The following LRRC4C variants were observed in gnomAD, a reference collection of about 807,000 sequenced individuals.
LRRC4C encodes the protein leucine rich repeat containing 4C.
Under a neutral mutation model 33.6 loss-of-function variants are expected in LRRC4C, and 5 were observed. The observed-to-expected ratio is 0.15, with a 90% CI of 0.08 to 0.31. The LOEUF is 0.31. Among genes scored for constraint, LRRC4C ranks in the 10% least tolerant of loss-of-function variants. The probability of loss-of-function intolerance (pLI) is 1.00; values close to 1 mark genes in which losing one functional copy is unlikely to be tolerated. For synonymous variants in LRRC4C, 329 were observed against 302.0 expected (o/e 1.09, Z -0.93); for missense variants, 560 against 796.7 (o/e 0.70, Z 3.58).
intron 1 of LRRC4C, among the ~76,000 whole-genome samples, chr11:41,099,187 T>G (rs1178487854): frequency 1.3e-5 from 2 of 151,776 alleles, no homozygotes; most frequent in East Asian, 3.9e-4. Flanking sequence ...ATTAAATCAA[T>G]AAGAAATAGC....
intron 3 of LRRC4C, among the ~76,000 whole-genome samples, chr11:40,544,476 C>T (rs1248227962): frequency 3.3e-5 from 5 of 152,052 alleles, no homozygotes; most frequent in African/African-American, 7.2e-5. Flanking sequence ...GATTGCAGAG[C>T]TCCAAAGAAA....
intron 3 of LRRC4C, among the ~76,000 whole-genome samples, chr11:40,396,333 A>G (rs1183319273): frequency 6.6e-6 from 1 of 152,066 alleles, no homozygotes; most frequent in Non-Finnish European, 1.5e-5. Flanking sequence ...TATAATTTCC[A>G]TCTCCATTCT....
At chr11:40,347,439 T>C (rs1415564613) in intron 3 of LRRC4C, among the ~76,000 whole-genome samples, 1 of 152,272 alleles carries the variant, frequency 6.6e-6, no homozygotes, top group East Asian at 1.9e-4. Context: ...TTTCCTATCA[T>C]TCATGTGTTC....
At chr11:40,998,939 G>A (rs986819904) in intron 1 of LRRC4C, among the ~76,000 whole-genome samples, 2 of 152,092 alleles carry the variant, frequency 1.3e-5, no homozygotes, top group African/African-American at 4.8e-5. Context: ...ATCTATGTAT[G>A]TATTAAATTC....
At chr11:40,182,158 ATAAT>A (rs1861058339) in intron 5 of LRRC4C, among the ~76,000 whole-genome samples, 1 of 152,204 alleles carries the variant, frequency 6.6e-6, no homozygotes, top group African/African-American at 2.4e-5. Flanking sequence ...AACAACAATA[ATAAT>A]TAAAGTTTAT....
intron 4 of LRRC4C, among the ~76,000 whole-genome samples, chr11:40,291,382 C>G (rs1460960408): frequency 6.6e-6 from 1 of 152,094 alleles, no homozygotes; most frequent in Non-Finnish European, 1.5e-5. Flanking sequence ...TCTAAGTTAC[C>G]ACAGGACACT....
intron 3 of LRRC4C, among the ~76,000 whole-genome samples, chr11:40,430,824 A>G (rs1335078582): frequency 6.6e-6 from 1 of 151,368 alleles, no homozygotes; most frequent in African/African-American, 2.4e-5. Flanking sequence ...GGAAATCATC[A>G]TTCTCAGTAA....
Position 40,698,170 on chromosome 11 carries a change from G to T in LRRC4C, c.-406-49892C>A, listed in dbSNP as rs952345312. Among the ~76,000 whole-genome samples the T allele has an allele frequency of 1.4e-4, 21 of 151,508 alleles. 1 individual carries two copies. Among genetic ancestry groups the T allele is most frequent in the Non-Finnish European group, 2.9e-5 (2 of 67,906 alleles). On this transcript the variant is annotated intron_variant, in intron 2 of 6. Transcript: ENST00000528697. ...AGTACTTAATAATATCAAAACAAAT[G>T]AACATTTAAAAATTGCTTTTTCATA...
chr11:41,333,493 A>T (rs1186602135), intron 1 of LRRC4C, among the ~76,000 whole-genome samples: 1 of 152,180 alleles, frequency 6.6e-6, no homozygotes, highest in Non-Finnish European at 1.5e-5. Context: ...ACATTCATTT[A>T]TGTAATTTAT....
rs548917658 is a variant in LRRC4C at position 40,329,087 on chromosome 11, G to A, written c.-269-9366C>T. On this transcript the variant is annotated intron_variant, in intron 3 of 6. Transcript: ENST00000528697. ...AAAGTAGGCTTAGTGCAAATAGACCGTGAGTGAGTGACAAAATGCTACTCT... is the reference window on the plus strand; with the variant it reads ...AAAGTAGGCTTAGTGCAAATAGACCATGAGTGAGTGACAAAATGCTACTCT... Among the ~76,000 whole-genome samples the A allele has an allele frequency of 1.3e-3, 195 of 152,320 alleles. 1 individual carries two copies. Among genetic ancestry groups the A allele is most frequent in the African/African-American group, 4.1e-3 (170 of 41,572 alleles).
At position 40,116,127 on chromosome 11, in the gene LRRC4C, G is replaced by T; in HGVS notation, c.166C>A (p.Gln56Lys). The T allele has an allele frequency of 6.2e-7, 1 of 1,614,066 alleles. No homozygotes were observed. The highest frequency in any genetic ancestry group is 8.5e-7 in the Non-Finnish European group (1 of 1,180,000). Residue 56 changes from glutamine (Q) to lysine (K), a missense_variant, in exon 7 of 7, where the codon CAG (glutamine) becomes AAG (lysine). This residue lies in a region of LRRC4C where 455 missense variants were observed against 643.8 expected (regional missense o/e 0.71). Coordinates refer to ENST00000528697, the MANE Select transcript of LRRC4C (RefSeq NM_001258419.2). ...CGAACACAAATCACCTTGCTGAACT[G>T]GTTGCTGCAGGAGCACACAGAAGGG... ...TCPSVCSCSNQFSKVICVRKN... is the reference protein window; with the variant it reads ...TCPSVCSCSNKFSKVICVRKN...
chr11:40,785,996 C>T (rs530064555), intron 2 of LRRC4C, among the ~76,000 whole-genome samples: 1 of 152,140 alleles, frequency 6.6e-6, no homozygotes, highest in South Asian at 2.1e-4. Flanking sequence ...GACTCCTTAA[C>T]AAATTATACA....
At chr11:40,583,588 C>T (rs1958574545) in intron 3 of LRRC4C, among the ~76,000 whole-genome samples, 1 of 152,088 alleles carries the variant, frequency 6.6e-6, no homozygotes, top group Non-Finnish European at 1.5e-5. Flanking sequence ...TTCAGACTTA[C>T]CCCAACTCAA....
rs34632647 is a variant in LRRC4C, at chr11:41,232,747, GACACACACAC to G, written c.-496+226674_-496+226683del. On this transcript the variant is annotated intron_variant, in intron 1 of 6. Coordinates refer to ENST00000528697, the MANE Select transcript of LRRC4C (RefSeq NM_001258419.2). Reference sequence around the variant, plus strand: ...TAATATTACATACATGTGTTATCAAGACACACACACACACACACACACACACACACACACA... The same window carrying G: ...TAATATTACATACATGTGTTATCAAGACACACACACACACACACACACACA... Among the ~76,000 whole-genome samples the G allele has an allele frequency of 2.5e-3, 357 of 143,626 alleles. 3 individuals carry two copies. The highest frequency in any genetic ancestry group is 8.4e-3 in the African/African-American group (328 of 39,088). The allele number at this position is 143,626 out of a possible 152,430, so 94.2% of individuals were successfully genotyped here. A position where few individuals can be genotyped will look rare whatever the true frequency, so the allele number is the denominator to read the frequency against.
At chr11:40,470,148 G>T (rs931556535) in intron 3 of LRRC4C, among the ~76,000 whole-genome samples, 27 of 152,180 alleles carry the variant, frequency 1.8e-4, no homozygotes, top group Non-Finnish European at 7.3e-5. Context: ...GTTGGCATCT[G>T]GTGGGTGCCC....
rs186014013 is a variant in LRRC4C, at chr11:41,083,498, G to A, written c.-495-149775C>T. Reference sequence around the variant, plus strand: ...TTAGGACAGGGTTTTCCATTCACAAGTGCTTTATCACAGAGACATCTTGCT... The same window carrying A: ...TTAGGACAGGGTTTTCCATTCACAAATGCTTTATCACAGAGACATCTTGCT... On this transcript the variant is annotated intron_variant, in intron 1 of 6. Transcript: ENST00000528697. 4.0e-3 allele frequency among the ~76,000 whole-genome samples: 610 copies of A among 152,254 alleles called. 1 individual carries two copies. Among genetic ancestry groups the A allele is most frequent in the Non-Finnish European group, 5.5e-3 (376 of 68,038 alleles).
intron 1 of LRRC4C, among the ~76,000 whole-genome samples, chr11:41,188,606 T>A (rs1590880584): frequency 6.6e-6 from 1 of 151,906 alleles, no homozygotes; most frequent in East Asian, 1.9e-4. Context: ...CTGATGATAC[T>A]TATAACACTG....
chr11:40,935,581 G>T (rs1302052548), intron 1 of LRRC4C, among the ~76,000 whole-genome samples: 1 of 152,062 alleles, frequency 6.6e-6, no homozygotes. Flanking sequence ...ATGGTGTACA[G>T]GTTTGTAGCC....
At chr11:41,220,731 T>C (rs1379292067) in intron 1 of LRRC4C, among the ~76,000 whole-genome samples, 1 of 152,190 alleles carries the variant, frequency 6.6e-6, no homozygotes, top group Non-Finnish European at 1.5e-5. Context: ...TAAAAGCAGA[T>C]ATGTTGATAT....
Sources: gnomAD v4.1 joint callset for allele counts (sites outside exome capture counted in the v4.1 genomes callset) on GRCh38, gnomAD v4.1.1 for gene constraint, gnomAD v4.1.1 regional missense constraint, MANE v1.5 for transcripts, NCBI Gene and HGNC (gene_info 2026-07-23, HGNC 2026-07-21) for gene names.